The following JAM2 variants were observed in gnomAD, a reference collection of about 807,000 sequenced individuals.
The protein encoded by JAM2 is junctional adhesion molecule B.
Under a neutral mutation model 42.0 loss-of-function variants are expected in JAM2, and 17 were observed. That is an observed-to-expected ratio of 0.40 (90% CI 0.28 to 0.61). The LOEUF is 0.61. Ranked by LOEUF, JAM2 falls within the 20% of genes least tolerant of loss-of-function variation. JAM2 has a pLI of 0.37. For synonymous variants in JAM2, 118 were observed against 128.6 expected, an observed-to-expected ratio of 0.92 and a Z score of 0.56; for missense variants, 319 against 358.3, an observed-to-expected ratio of 0.89 and a Z score of 0.89.
intron 1 of JAM2, among the ~76,000 whole-genome samples, chr21:25,669,412 TG>T (rs1486936859): frequency 6.6e-6 from 1 of 151,232 alleles, no homozygotes; most frequent in Non-Finnish European, 1.5e-5. Context: ...AAAAAGAAGA[TG>T]GGGGAAAAGT....
At chr21:25,701,729 T>G (rs187270293) in intron 5 of JAM2, among the ~76,000 whole-genome samples, 8 of 152,282 alleles carry the variant, frequency 5.3e-5, no homozygotes, top group East Asian at 3.9e-4. Flanking sequence ...TTAAAGGAAG[T>G]GTTTATTGTT....
chr21:25,688,286 G>A (rs139185739), intron 2 of JAM2, among the ~76,000 whole-genome samples: 60 of 145,058 alleles, frequency 4.1e-4, no homozygotes, highest in African/African-American at 1.3e-3. Flanking sequence ...GTGTGTACAC[G>A]CGCCCACACG....
intron 4 of JAM2, among the ~76,000 whole-genome samples, chr21:25,697,497 A>G (rs2034064291): frequency 6.6e-6 from 1 of 152,180 alleles, no homozygotes; most frequent in African/African-American, 2.4e-5. Flanking sequence ...AGTTTGGTTT[A>G]CTTTCCAGTC....
chr21:25,649,671 A>G (rs914158766), intron 1 of JAM2, among the ~76,000 whole-genome samples: 2 of 148,908 alleles, frequency 1.3e-5, no homozygotes, highest in African/African-American at 4.9e-5. Flanking sequence ...TTTGTTACTC[A>G]ATTGATATAA....
chr21:25,679,872 G>A (rs2033588215), intron 1 of JAM2, among the ~76,000 whole-genome samples: 1 of 152,118 alleles, frequency 6.6e-6, no homozygotes, highest in African/African-American at 2.4e-5. Flanking sequence ...GCCTAGTATA[G>A]CACAGTAATT....
intron 8 of JAM2, 148 bp from the exon 9 acceptor site, chr21:25,712,192 A>T: frequency 1.5e-6 from 1 of 674,134 alleles, no homozygotes; most frequent in Non-Finnish European, 2.7e-6. Context: ...TAAGAAATTC[A>T]GTAAGAATTG....
intron 4 of JAM2, among the ~76,000 whole-genome samples, chr21:25,697,170 C>G (rs2034056898): frequency 6.6e-6 from 1 of 152,066 alleles, no homozygotes; most frequent in African/African-American, 2.4e-5. Flanking sequence ...GAATATCTGA[C>G]TTTTCCTTCT....
chr21:25,650,163 C>G (rs903935974), intron 1 of JAM2, among the ~76,000 whole-genome samples: 9 of 152,200 alleles, frequency 5.9e-5, no homozygotes, highest in Non-Finnish European at 8.8e-5. Context: ...ACTGGGAACT[C>G]AATTTCCTAT....
chr21:25,686,759 T>A (rs2829866), intron 2 of JAM2, among the ~76,000 whole-genome samples: 54,061 of 152,136 alleles, frequency 0.36, 10,095 homozygotes, highest in African/African-American at 0.46. Flanking sequence ...GTGTTATGTA[T>A]GATTTTGATG....
intron 1 of JAM2, among the ~76,000 whole-genome samples, chr21:25,657,237 C>T (rs974344014): frequency 2.3e-4 from 35 of 152,212 alleles, no homozygotes; most frequent in African/African-American, 7.9e-4. Flanking sequence ...TGGTCTTGAA[C>T]TCCTGGGCTC....
intron 1 of JAM2, among the ~76,000 whole-genome samples, chr21:25,678,986 GA>G (rs2033565486): frequency 6.6e-6 from 1 of 152,054 alleles, no homozygotes; most frequent in Non-Finnish European, 1.5e-5. Context: ...ATTTTTTGTA[GA>G]GATGGGGGAT....
chr21:25,644,507 G>A (rs1254006291), intron 1 of JAM2, among the ~76,000 whole-genome samples: 1 of 152,134 alleles, frequency 6.6e-6, no homozygotes, highest in Non-Finnish European at 1.5e-5. Context: ...CACCTCTCTT[G>A]TTCTCTCTCT....
chr21:25,661,629 A>G (rs1246569364), intron 1 of JAM2, among the ~76,000 whole-genome samples: 1 of 151,886 alleles, frequency 6.6e-6, no homozygotes, highest in Admixed American at 6.6e-5. Context: ...TTTTATGTAT[A>G]TAAATTATAT....
In JAM2 at chr21:25,716,136, T is replaced by A. The variant is rs978600611; in HGVS notation, c.*1464T>A. 6.6e-6 allele frequency: 1 copy of A among 152,242 alleles called. No individual in the cohort carries two copies. The allele number at this position is 152,242 out of a possible 1,614,324, so 9.4% of individuals were successfully genotyped here. ...CCTCAGCCTCCCAAGTAGCTGAGAT[T>A]ATAGGCGTGTACCACCACACCTGGC... On this transcript the variant is annotated 3_prime_UTR_variant, in exon 10 of 10. Coordinates refer to ENST00000480456, the MANE Select transcript of JAM2 (RefSeq NM_021219.4).
intron 8 of JAM2, chr21:25,711,666 T>C: frequency 7.4e-6 from 2 of 271,916 alleles, no homozygotes; most frequent in South Asian, 7.1e-5. Context: ...CTGGAAAGTG[T>C]TGCTACTTCC....
chr21:25,660,776 A>ATT, intron 1 of JAM2, among the ~76,000 whole-genome samples: 1 of 60,172 alleles, frequency 1.7e-5, no homozygotes, highest in African/African-American at 9.3e-5. Flanking sequence ...ATATATATAT[A>ATT]TATATATTTT....
chr21:25,694,724 C>T (rs2033958640), intron 4 of JAM2, among the ~76,000 whole-genome samples: 1 of 151,856 alleles, frequency 6.6e-6, no homozygotes, highest in Non-Finnish European at 1.5e-5. Flanking sequence ...CCTGTAGTCT[C>T]AGCTACTTGG....
At chr21:25,651,790 C>A (rs942883791) in intron 1 of JAM2, among the ~76,000 whole-genome samples, 2 of 152,018 alleles carry the variant, frequency 1.3e-5, no homozygotes, top group Non-Finnish European at 2.9e-5. Context: ...GGCACTGTAG[C>A]GATATAAAGG....
At chr21:25,651,941 T>C (rs2032794154) in intron 1 of JAM2, among the ~76,000 whole-genome samples, 1 of 152,214 alleles carries the variant, frequency 6.6e-6, no homozygotes, top group South Asian at 2.1e-4. Context: ...AATGAAACTA[T>C]TAACAATAGG....
Sources: allele counts gnomAD v4.1 joint callset (sites outside exome capture counted in the v4.1 genomes callset), GRCh38; gene constraint gnomAD v4.1.1; transcripts MANE v1.5; gene names NCBI Gene and HGNC (gene_info 2026-07-23, HGNC 2026-07-21).